Variants in CMSS1 observed in about 807,000 individuals in gnomAD.
CMSS1 encodes protein CMSS1.
CMSS1 carries 33 observed loss-of-function variants against 43.5 expected under a neutral mutation model. That is an observed-to-expected ratio of 0.76 (90% CI 0.57 to 1.01). The LOEUF is 1.01. CMSS1 is among the 50% of genes least tolerant of loss of function. The pLI, the probability that CMSS1 is intolerant of heterozygous loss-of-function variation, is 0.00. For missense variants in CMSS1, 313 were observed against 326.4 expected, an observed-to-expected ratio of 0.96 and a Z score of 0.32; for synonymous variants, 115 against 117.2, an observed-to-expected ratio of 0.98 and a Z score of 0.12.
At chr3:99,869,345 A>G (rs1944673740) in intron 1 of CMSS1, among the ~76,000 whole-genome samples, 1 of 152,194 alleles carries the variant, frequency 6.6e-6, no homozygotes, top group African/African-American at 2.4e-5. Context: ...AGATTAGTGG[A>G]GCCCCAAATC....
At chr3:99,932,173 C>A (rs1707502735) in intron 1 of CMSS1, among the ~76,000 whole-genome samples, 1 of 151,972 alleles carries the variant, frequency 6.6e-6, no homozygotes, top group South Asian at 2.1e-4. Context: ...CTTCTGAAAC[C>A]CCTTCTCCTC....
At chr3:100,085,786 A>T (rs1187536074) in intron 1 of CMSS1, among the ~76,000 whole-genome samples, 3 of 152,214 alleles carry the variant, frequency 2.0e-5, no homozygotes, top group Non-Finnish European at 2.9e-5. Context: ...GTGGCCAAAT[A>T]AAAGAAGTTA....
At position 100,153,924 on chromosome 3, in the gene CMSS1, C is replaced by T. The variant is rs2066946655; in HGVS notation, c.154-6506C>T. On this transcript the variant is annotated intron_variant, in intron 2 of 9. Transcript: ENST00000421999. ...GGAGTGCAATGACGCGATCTCAGCT[C>T]ACTGCAACCTCTGCCTCCTGAATTC... 2.0e-5 allele frequency among the ~76,000 whole-genome samples: 3 copies of T among 151,342 alleles called. No individual in the cohort carries two copies. In the South Asian group the frequency reaches 6.2e-4, roughly 32 times the overall value.
chr3:99,973,593 G>T (rs1241336317), intron 1 of CMSS1, among the ~76,000 whole-genome samples: 1 of 152,044 alleles, frequency 6.6e-6, no homozygotes, highest in Non-Finnish European at 1.5e-5. Flanking sequence ...CCTCCCTTCA[G>T]ATCTTATAGA....
At chr3:100,008,018 C>T (rs1399327809) in intron 1 of CMSS1, among the ~76,000 whole-genome samples, 1 of 152,176 alleles carries the variant, frequency 6.6e-6, no homozygotes, top group African/African-American at 2.4e-5. Context: ...CCAGCACAAC[C>T]TTGCCTGGGA....
At chr3:100,056,667 A>C (rs2065468443) in intron 1 of CMSS1, among the ~76,000 whole-genome samples, 1 of 151,732 alleles carries the variant, frequency 6.6e-6, no homozygotes, top group Non-Finnish European at 1.5e-5. Context: ...ATTGCTTTGG[A>C]CTGCCACACA....
At chr3:100,035,602 A>G (rs7432913) in intron 1 of CMSS1, among the ~76,000 whole-genome samples, 140,765 of 152,244 alleles carry the variant, frequency 0.92, 65,191 homozygotes, top group African/African-American at 0.98. Flanking sequence ...TCTGGTTCCC[A>G]GTAATCAAAC....
chr3:100,136,035 C>T (rs1011628479), intron 1 of CMSS1, among the ~76,000 whole-genome samples: 6 of 152,176 alleles, frequency 3.9e-5, no homozygotes, highest in Admixed American at 3.9e-4. Flanking sequence ...ATAGCTGTTG[C>T]CACTAAAAAT....
At chr3:100,021,673 G>A (rs567862624) in intron 1 of CMSS1, among the ~76,000 whole-genome samples, 1 of 152,220 alleles carries the variant, frequency 6.6e-6, no homozygotes, top group African/African-American at 2.4e-5. Context: ...TGTCTTGGTT[G>A]CTTATATTTT....
At chr3:100,002,894 A>C (rs1311909267) in intron 1 of CMSS1, among the ~76,000 whole-genome samples, 1 of 152,184 alleles carries the variant, frequency 6.6e-6, no homozygotes, top group African/African-American at 2.4e-5. Context: ...TTCTCTGATG[A>C]GTATGTGTAT....
chr3:99,944,408 T>C (rs1707945362), intron 1 of CMSS1, among the ~76,000 whole-genome samples: 1 of 152,338 alleles, frequency 6.6e-6, no homozygotes, highest in Non-Finnish European at 1.5e-5. Flanking sequence ...AGGGGGATAC[T>C]CACCCAGGCT....
At chr3:99,930,193 T>C (rs568781529) in intron 1 of CMSS1, among the ~76,000 whole-genome samples, 8 of 152,348 alleles carry the variant, frequency 5.3e-5, no homozygotes, top group African/African-American at 1.9e-4. Flanking sequence ...TATCCCTTCA[T>C]CCTTCTTGTA....
rs959526218 is a variant in CMSS1, at chr3:100,157,420, A to T, written c.154-3010A>T. On this transcript the variant is annotated intron_variant, in intron 2 of 9. Transcript: ENST00000421999. ...CTCTTGTGTTGGAGACTTTCCTTAG[A>T]TGTCTGAGGAACCTTAGCTATCCAT... is the stretch of plus-strand genomic sequence containing the variant. Among the ~76,000 whole-genome samples the T allele has an allele frequency of 2.6e-5, 4 of 152,186 alleles. No individual in the cohort carries two copies. In the South Asian group the frequency reaches 8.3e-4, roughly 32 times the overall value.
intron 1 of CMSS1, among the ~76,000 whole-genome samples, chr3:99,918,756 T>TATG (rs1707033785): frequency 6.6e-6 from 1 of 152,214 alleles, no homozygotes; most frequent in Non-Finnish European, 1.5e-5. Context: ...GTCCAGCATG[T>TATG]ATGAACACAA....
intron 1 of CMSS1, among the ~76,000 whole-genome samples, chr3:100,056,158 G>T (rs1317162797): frequency 6.6e-6 from 1 of 152,188 alleles, no homozygotes; most frequent in African/African-American, 2.4e-5. Flanking sequence ...CTACATAGGT[G>T]CATTTTACAT....
chr3:100,022,408 T>C (rs1308119504), intron 1 of CMSS1, among the ~76,000 whole-genome samples: 2 of 152,192 alleles, frequency 1.3e-5, no homozygotes, highest in Non-Finnish European at 2.9e-5. Flanking sequence ...ACGGCACAAC[T>C]CTGCTACAGT....
intron 1 of CMSS1, among the ~76,000 whole-genome samples, chr3:99,939,802 C>A (rs1296541474): frequency 6.6e-6 from 1 of 152,186 alleles, no homozygotes. Context: ...TTTGCAGATT[C>A]CTCGTCTGCA....
At chr3:99,993,790 G>A (rs9878931) in intron 1 of CMSS1, among the ~76,000 whole-genome samples, 28,769 of 152,060 alleles carry the variant, frequency 0.19, 3,010 homozygotes, top group South Asian at 0.25. Flanking sequence ...TGATTTACAT[G>A]TGTTGAACCA....
intron 1 of CMSS1, among the ~76,000 whole-genome samples, chr3:100,105,887 A>G (rs186447139): frequency 2.0e-5 from 3 of 152,240 alleles, no homozygotes; most frequent in African/African-American, 7.2e-5. Flanking sequence ...TCAAACAAAA[A>G]CTTTTTTTTA....
Sources: allele counts gnomAD v4.1 joint callset (sites outside exome capture counted in the v4.1 genomes callset), GRCh38; gene constraint gnomAD v4.1.1; transcripts MANE v1.5; gene names NCBI Gene and HGNC (gene_info 2026-07-23, HGNC 2026-07-21).